PCDH15: variants seen among roughly 807,000 people sequenced by gnomAD.
The protein encoded by PCDH15 is protocadherin related 15, also known as protocadherin-15.
Under a neutral mutation model 178.5 loss-of-function variants are expected in PCDH15, and 129 were observed. That is an observed-to-expected ratio of 0.72 (90% CI 0.63 to 0.84). PCDH15 has a LOEUF of 0.84. Ranked by LOEUF, PCDH15 falls within the 40% of genes least tolerant of loss-of-function variation. The pLI is 0.00. For missense variants in PCDH15, 2,230 were observed against 2,099.9 expected, an observed-to-expected ratio of 1.06 and a Z score of -1.21; for synonymous variants, 800 against 732.0, an observed-to-expected ratio of 1.09 and a Z score of -1.50.
At chr10:54,318,004 A>G (rs1285869299) in intron 7 of PCDH15, among the ~76,000 whole-genome samples, 1 of 152,182 alleles carries the variant, frequency 6.6e-6, no homozygotes, top group Non-Finnish European at 1.5e-5. Context: ...GCCTAACCAT[A>G]AAGGTCACTC....
intron 3 of PCDH15, among the ~76,000 whole-genome samples, chr10:54,438,268 CTTTTT>C (rs1039826987): frequency 2.3e-4 from 22 of 93,984 alleles, no homozygotes; most frequent in African/African-American, 7.9e-4. Context: ...AAGAGAAAAG[CTTTTT>C]TTTTTTTTTT....
chr10:55,017,356 G>A (rs1252079079), intron 2 of PCDH15, among the ~76,000 whole-genome samples: 1 of 151,940 alleles, frequency 6.6e-6, no homozygotes, highest in East Asian at 1.9e-4. Context: ...AATACTAATG[G>A]GAGTGTATTA....
intron 1 of PCDH15, among the ~76,000 whole-genome samples, chr10:55,308,698 A>T (rs559115890): frequency 6.6e-6 from 1 of 152,318 alleles, no homozygotes; most frequent in South Asian, 2.1e-4. Context: ...GTTCCTACTT[A>T]CCTTAGTGAA....
At chr10:53,974,865 T>A (rs1312715290) in intron 21 of PCDH15, among the ~76,000 whole-genome samples, 1 of 152,266 alleles carries the variant, frequency 6.6e-6, no homozygotes, top group East Asian at 1.9e-4. Context: ...TGGGGTACAA[T>A]TGATCCAGTC....
At chr10:54,034,193 A>G (rs901708887) in intron 18 of PCDH15, among the ~76,000 whole-genome samples, 1 of 151,990 alleles carries the variant, frequency 6.6e-6, no homozygotes, top group Non-Finnish European at 1.5e-5. Context: ...ATTTAATGAG[A>G]GAAAAATATC....
At chr10:54,072,076 T>C (rs2094255257) in intron 17 of PCDH15, among the ~76,000 whole-genome samples, 1 of 152,098 alleles carries the variant, frequency 6.6e-6, no homozygotes, top group South Asian at 2.1e-4. Context: ...AGAAAGAATA[T>C]TGAAAATTTC....
intron 26 of PCDH15, among the ~76,000 whole-genome samples, chr10:53,900,209 TTCTCTCTCTCTCTC>T (rs5785026): frequency 6.9e-6 from 1 of 144,542 alleles, no homozygotes; most frequent in Non-Finnish European, 1.5e-5. Flanking sequence ...TCTCTAAACT[TTCTCTCTCTCTCTC>T]TCTCTCTCTC....
At chr10:55,548,266 A>C (rs1225872747) in intron 2 of PCDH15, among the ~76,000 whole-genome samples, 1 of 151,052 alleles carries the variant, frequency 6.6e-6, no homozygotes, top group East Asian at 2.0e-4. Flanking sequence ...ACATGATCCT[A>C]ATGAACAGTG....
At chr10:55,424,469 C>T (rs1396510225) in intron 2 of PCDH15, among the ~76,000 whole-genome samples, 9 of 152,162 alleles carry the variant, frequency 5.9e-5, no homozygotes, top group Non-Finnish European at 1.3e-4. Context: ...TATTAATTAA[C>T]TAAATAGCCC....
chr10:55,625,833 C>A (rs1439824420), intron 2 of PCDH15, among the ~76,000 whole-genome samples: 2 of 152,136 alleles, frequency 1.3e-5, no homozygotes, highest in African/African-American at 2.4e-5. Flanking sequence ...CTCTTCTACA[C>A]TGTCCTAATT....
chr10:53,883,076 T>C (rs73242229), intron 26 of PCDH15, among the ~76,000 whole-genome samples: 1,867 of 152,258 alleles, frequency 0.012, 30 homozygotes, highest in African/African-American at 0.042. Flanking sequence ...CATATACATA[T>C]AGGATATTAT....
intron 2 of PCDH15, among the ~76,000 whole-genome samples, chr10:55,564,633 TACACAA>T (rs1163508309): frequency 6.6e-6 from 1 of 151,604 alleles, no homozygotes; most frequent in Middle Eastern, 3.2e-3. Flanking sequence ...TATATCTGAA[TACACAA>T]ACAGATTGAA....
intron 1 of PCDH15, among the ~76,000 whole-genome samples, chr10:54,669,906 T>C (rs1186116221): frequency 6.6e-6 from 1 of 151,646 alleles, no homozygotes; most frequent in African/African-American, 2.4e-5. Flanking sequence ...TATAAAATAT[T>C]AGCTGGGTGT....
intron 18 of PCDH15, among the ~76,000 whole-genome samples, chr10:54,059,906 T>C (rs934601483): frequency 1.3e-5 from 2 of 152,228 alleles, no homozygotes; most frequent in African/African-American, 4.8e-5. Flanking sequence ...CAAAAATTGA[T>C]AGTCATTATT....
intron 15 of PCDH15, among the ~76,000 whole-genome samples, chr10:54,128,676 G>A (rs1016010396): frequency 2.6e-5 from 4 of 152,078 alleles, no homozygotes; most frequent in African/African-American, 9.6e-5. Flanking sequence ...GGATTTTTTG[G>A]AGTATTGTAC....
chr10:54,759,470 CT>C (rs1947584388), intron 1 of PCDH15, among the ~76,000 whole-genome samples: 1 of 152,130 alleles, frequency 6.6e-6, no homozygotes, highest in Non-Finnish European at 1.5e-5. Flanking sequence ...CATTTCAATA[CT>C]TCCTTTTGAT....
intron 2 of PCDH15, among the ~76,000 whole-genome samples, chr10:55,429,660 C>G (rs1415274761): frequency 2.0e-5 from 3 of 152,108 alleles, no homozygotes; most frequent in Non-Finnish European, 4.4e-5. Context: ...TCAGAAGAAA[C>G]AAACATTCTC....
At chr10:55,134,000 T>A (rs987200653) in intron 2 of PCDH15, among the ~76,000 whole-genome samples, 1 of 152,150 alleles carries the variant, frequency 6.6e-6, no homozygotes, top group Non-Finnish European at 1.5e-5. Context: ...ATTAAAATAA[T>A]CCTTTAAAAA....
intron 2 of PCDH15, among the ~76,000 whole-genome samples, chr10:55,023,600 T>C (rs918666762): frequency 1.3e-5 from 2 of 152,078 alleles, no homozygotes; most frequent in African/African-American, 4.8e-5. Context: ...TTTGCTAAGA[T>C]GAAAGGCAAT....
Sources: gnomAD v4.1 joint callset for allele counts (sites outside exome capture counted in the v4.1 genomes callset) on GRCh38, gnomAD v4.1.1 for gene constraint, MANE v1.5 for transcripts, NCBI Gene and HGNC (gene_info 2026-07-23, HGNC 2026-07-21) for gene names.